DTNA: variants seen among roughly 807,000 people sequenced by gnomAD.
DTNA encodes the protein dystrophin-related protein 3.
Under a neutral mutation model 100.7 loss-of-function variants are expected in DTNA, and 43 were observed. That is an observed-to-expected ratio of 0.43 (90% CI 0.33 to 0.55). The LOEUF is 0.55. DTNA is among the 20% of genes least tolerant of loss of function. The pLI, the probability that DTNA is intolerant of heterozygous loss-of-function variation, is 0.04. For synonymous variants in DTNA, 349 were observed against 347.9 expected, an observed-to-expected ratio of 1.00 and a Z score of -0.04; for missense variants, 798 against 953.9, an observed-to-expected ratio of 0.84 and a Z score of 2.15.
In DTNA at chr18:34,864,132, G is replaced by A. The variant is rs567072762; in HGVS notation, c.1743+70G>A. 1.4e-4 allele frequency: 201 copies of A among 1,406,382 alleles called. No individual in the cohort carries two copies. The Admixed American group carries it at 1.8e-3, about 13-fold the overall frequency. 87.1% of individuals were successfully genotyped at this position (1,406,382 alleles called of 1,614,324 possible). A position where few individuals can be genotyped will look rare whatever the true frequency, so the allele number is the denominator to read the frequency against. ...ATCTGTGAAAATTTTTGCACATAAT[G>A]TGCAATGGTTTTTCCAATTGCTGTA... On this transcript the variant is annotated intron_variant, in intron 17 of 22. Transcript: ENST00000444659.
rs139937012 is a variant in DTNA, at chr18:34,541,102, G to A, written c.-2+47588G>A. ...GTGAGAACACAATGGGACTTTAAAG[G>A]CACTGTAAAATGTTAATCCTTTTTC... On this transcript the variant is annotated intron_variant, in intron 1 of 19. Transcript: ENST00000283365. 1.7e-3 allele frequency among the ~76,000 whole-genome samples: 261 copies of A among 152,090 alleles called. 1 individual carries two copies. Among genetic ancestry groups the A allele is most frequent in the African/African-American group, 5.9e-3 (244 of 41,504 alleles).
intron 16 of DTNA, among the ~76,000 whole-genome samples, chr18:34,861,261 G>A (rs926500658): frequency 9.2e-5 from 14 of 151,820 alleles, no homozygotes; most frequent in African/African-American, 3.4e-4. Context: ...CGAGGCGGGC[G>A]GATCACGAGG....
intron 1 of DTNA, among the ~76,000 whole-genome samples, chr18:34,576,786 C>G (rs1384874567): frequency 1.3e-5 from 2 of 152,006 alleles, no homozygotes; most frequent in East Asian, 3.9e-4. Context: ...GTATGATAGT[C>G]GGGGAAAATG....
chr18:34,598,437 T>C (rs2051083378), intron 1 of DTNA, among the ~76,000 whole-genome samples: 1 of 152,184 alleles, frequency 6.6e-6, no homozygotes, highest in South Asian at 2.1e-4. Flanking sequence ...ATTATCTCAT[T>C]GCATACAACC....
chr18:34,743,880 C>T (rs542539920), intron 1 of DTNA, among the ~76,000 whole-genome samples: 54 of 152,148 alleles, frequency 3.5e-4, no homozygotes, highest in African/African-American at 1.3e-3. Context: ...TATTGGCATC[C>T]TCCCACCCAC....
intron 1 of DTNA, among the ~76,000 whole-genome samples, chr18:34,652,618 A>G (rs1415240275): frequency 6.6e-6 from 1 of 152,198 alleles, no homozygotes; most frequent in African/African-American, 2.4e-5. Flanking sequence ...AGAGGGTGCC[A>G]TGCTACTTTT....
intron 1 of DTNA, among the ~76,000 whole-genome samples, chr18:34,647,673 A>C (rs892358591): frequency 8.5e-5 from 13 of 152,244 alleles, no homozygotes; most frequent in Non-Finnish European, 1.8e-4. Flanking sequence ...AGGAATTATG[A>C]AAAATTTAGC....
At chr18:34,726,233 A>C (rs895396875) in intron 1 of DTNA, among the ~76,000 whole-genome samples, 24 of 152,086 alleles carry the variant, frequency 1.6e-4, no homozygotes, top group African/African-American at 5.6e-4. Flanking sequence ...ATACCCCAGA[A>C]CTTAAAGTAT....
chr18:34,687,416 A>G lies in DTNA; in HGVS notation c.-1-68560A>G, dbSNP rs188273994. Among the ~76,000 whole-genome samples the G allele has an allele frequency of 5.3e-5, 8 of 152,274 alleles. No individual in the cohort carries two copies. The East Asian group carries it at 1.5e-3, about 29-fold the overall frequency. On this transcript the variant is annotated intron_variant, in intron 1 of 19. Transcript: ENST00000283365. Reference sequence around the variant, plus strand: ...GTTATTTACCCAGTAGTCATTCAGGAGCAGGTTGTTCAGTTTCCATGTAGT... The same window carrying G: ...GTTATTTACCCAGTAGTCATTCAGGGGCAGGTTGTTCAGTTTCCATGTAGT...
At chr18:34,857,269 C>T (rs2096563635) in intron 15 of DTNA, among the ~76,000 whole-genome samples, 2 of 152,226 alleles carry the variant, frequency 1.3e-5, no homozygotes, top group African/African-American at 4.8e-5. Flanking sequence ...AATCATTAGC[C>T]TCCTGATTCT....
intron 17 of DTNA, among the ~76,000 whole-genome samples, chr18:34,874,765 T>A (rs892233994): frequency 2.0e-5 from 3 of 152,228 alleles, no homozygotes; most frequent in African/African-American, 7.2e-5. Context: ...ATATGCACAA[T>A]ATTGTATGAC....
intron 9 of DTNA, chr18:34,825,210 T>A: frequency 1.9e-6 from 3 of 1,611,082 alleles, no homozygotes; most frequent in South Asian, 1.1e-5. Context: ...TTGTATTGCT[T>A]GTAAATATTA....
rs774860591 is a variant in DTNA at position 34,864,059 on chromosome 18, A to G, written c.1740A>G (p.Leu580=). The G allele has an allele frequency of 1.2e-6, 2 of 1,608,076 alleles. No individual in the cohort carries two copies. Among genetic ancestry groups the G allele is most frequent in the Admixed American group, 3.4e-5 (2 of 59,640 alleles). ...MVQLEGLMKL[L]KTQGAGSPRS... ...AGTTGGAGGGTCTCATGAAGCTACT[A>G]AAGGTAAGACCTGCCAGATAAATTT... The change falls in exon 17 of 23, where the codon CTA becomes CTG. Residue 580 remains leucine (L), a synonymous_variant. Transcript: ENST00000444659.
chr18:34,667,415 T>A (rs2076092691), intron 1 of DTNA, among the ~76,000 whole-genome samples: 1 of 152,194 alleles, frequency 6.6e-6, no homozygotes. Context: ...TACCCTTTAT[T>A]TCCTTCTCCT....
At chr18:34,787,890 C>T (rs1013866272) in intron 3 of DTNA, among the ~76,000 whole-genome samples, 1 of 152,138 alleles carries the variant, frequency 6.6e-6, no homozygotes, top group African/African-American at 2.4e-5. Flanking sequence ...ACACTATTAT[C>T]GTTACTTTTA....
chr18:34,800,654 A>T (rs1306954633), intron 4 of DTNA, among the ~76,000 whole-genome samples: 2 of 152,188 alleles, frequency 1.3e-5, no homozygotes, highest in Admixed American at 6.5e-5. Context: ...AGAGCTTCTG[A>T]TTTTAGTACT....
intron 8 of DTNA, among the ~76,000 whole-genome samples, chr18:34,818,806 T>G (rs2095648377): frequency 6.6e-6 from 1 of 152,104 alleles, no homozygotes. Context: ...TACTGTTCCA[T>G]TTTACTTTTC....
intron 1 of DTNA, among the ~76,000 whole-genome samples, chr18:34,572,652 C>T (rs572687063): frequency 3.3e-5 from 5 of 152,230 alleles, no homozygotes; most frequent in South Asian, 2.1e-4. Context: ...ATCAGGTTCC[C>T]GTTTCCTCTT....
At chr18:34,767,205 T>G (rs1407301748) in intron 3 of DTNA, among the ~76,000 whole-genome samples, 1 of 118,686 alleles carries the variant, frequency 8.4e-6, no homozygotes, top group Non-Finnish European at 1.8e-5. Flanking sequence ...GGCATGGTAA[T>G]TAGACTCATG....
Sources: gnomAD v4.1 joint callset for allele counts (sites outside exome capture counted in the v4.1 genomes callset) on GRCh38, gnomAD v4.1.1 for gene constraint, MANE v1.5 for transcripts, NCBI Gene and HGNC (gene_info 2026-07-23, HGNC 2026-07-21) for gene names.